MAGI2: variants seen among roughly 807,000 people sequenced by gnomAD.
MAGI2 encodes membrane-associated guanylate kinase, WW and PDZ domain-containing protein 2.
A neutral mutation model predicts 133.3 loss-of-function variants in MAGI2; 35 were observed. That is an observed-to-expected ratio of 0.26 (90% CI 0.20 to 0.35). The LOEUF is 0.35. MAGI2 is among the 10% of genes least tolerant of loss of function. The probability of loss-of-function intolerance (pLI) is 1.00; values close to 1 mark genes in which losing one functional copy is unlikely to be tolerated. For synonymous variants in MAGI2, 729 were observed against 710.6 expected (o/e 1.03, Z -0.41); for missense variants, 1,636 against 1,863.4 (o/e 0.88, Z 2.25).
At chr7:78,833,499 G>C (rs1791368323) in intron 2 of MAGI2, among the ~76,000 whole-genome samples, 1 of 152,126 alleles carries the variant, frequency 6.6e-6, no homozygotes, top group Non-Finnish European at 1.5e-5. Context: ...CAAAGAAAGA[G>C]CCCCGCTGTA....
chr7:78,783,617 A>G (rs1438067501), intron 2 of MAGI2, among the ~76,000 whole-genome samples: 2 of 152,144 alleles, frequency 1.3e-5, no homozygotes, highest in African/African-American at 4.8e-5. Flanking sequence ...GATTTTCTCC[A>G]TTGGAAATCA....
At chr7:78,448,547 A>G (rs560699839) in intron 6 of MAGI2, among the ~76,000 whole-genome samples, 1 of 151,550 alleles carries the variant, frequency 6.6e-6, no homozygotes, top group African/African-American at 2.4e-5. Context: ...TCCCATGGCC[A>G]ACACTTCTAT....
chr7:79,404,363 T>A (rs1845666915), intron 1 of MAGI2, among the ~76,000 whole-genome samples: 2 of 152,060 alleles, frequency 1.3e-5, no homozygotes, highest in Admixed American at 1.3e-4. Context: ...AGAGACAAGA[T>A]CTCACTCTGT....
intron 10 of MAGI2, among the ~76,000 whole-genome samples, chr7:78,227,421 GA>G (rs1789501290): frequency 6.6e-6 from 1 of 152,154 alleles, no homozygotes; most frequent in Admixed American, 6.5e-5. Flanking sequence ...GCTCATCAAA[GA>G]ACTTCTCTAA....
At chr7:79,353,354 T>C (rs1406166) in intron 1 of MAGI2, 66,522 of 426,458 alleles carry the variant, frequency 0.16, 5,715 homozygotes, top group South Asian at 0.24. Context: ...TTCTCTTCAG[T>C]CATGGAGGAA....
intron 1 of MAGI2, among the ~76,000 whole-genome samples, chr7:79,448,744 G>T (rs1044498777): frequency 1.3e-5 from 2 of 152,090 alleles, no homozygotes; most frequent in Non-Finnish European, 2.9e-5. Context: ...ATGTGAATAT[G>T]CTTTTCTCAT....
intron 1 of MAGI2, among the ~76,000 whole-genome samples, chr7:79,112,987 A>C (rs1819057768): frequency 6.6e-6 from 1 of 152,372 alleles, no homozygotes; most frequent in Non-Finnish European, 1.5e-5. Flanking sequence ...GAGAATTAAA[A>C]AAATAATTTT....
chr7:78,032,761 G>A (rs1584891814), intron 21 of MAGI2, among the ~76,000 whole-genome samples: 1 of 152,304 alleles, frequency 6.6e-6, no homozygotes, highest in East Asian at 1.9e-4. Flanking sequence ...CAGGGAAGGT[G>A]ATATTAAGCA....
chr7:78,039,252 C>A (rs778174799), intron 21 of MAGI2, among the ~76,000 whole-genome samples: 10 of 152,294 alleles, frequency 6.6e-5, no homozygotes, highest in Non-Finnish European at 1.5e-4. Context: ...TCTCAATTCT[C>A]TAAATTGTAG....
chr7:78,137,097 G>A (rs747516019), intron 16 of MAGI2, among the ~76,000 whole-genome samples: 1 of 152,092 alleles, frequency 6.6e-6, no homozygotes, highest in Non-Finnish European at 1.5e-5. Flanking sequence ...TTAATTTACT[G>A]ACTTTAAAAA....
At chr7:78,167,438 G>A (rs1024831276) in intron 15 of MAGI2, among the ~76,000 whole-genome samples, 9 of 152,114 alleles carry the variant, frequency 5.9e-5, no homozygotes, top group South Asian at 2.1e-4. Flanking sequence ...TTCTTGGAGC[G>A]AGGTACAGCT....
chr7:78,151,869 C>T (rs1028801175), intron 16 of MAGI2, among the ~76,000 whole-genome samples: 1 of 152,080 alleles, frequency 6.6e-6, no homozygotes, highest in Non-Finnish European at 1.5e-5. Context: ...GAGCACCAGT[C>T]ACAGTCTTCC....
intron 16 of MAGI2, among the ~76,000 whole-genome samples, chr7:78,155,008 T>C (rs761944912): frequency 1.3e-5 from 2 of 152,212 alleles, no homozygotes; most frequent in Non-Finnish European, 2.9e-5. Context: ...AGTTAGTCAA[T>C]GGCAGAAAAT....
intron 1 of MAGI2, among the ~76,000 whole-genome samples, chr7:79,375,289 T>A (rs1843308476): frequency 6.6e-6 from 1 of 151,952 alleles, no homozygotes; most frequent in Non-Finnish European, 1.5e-5. Context: ...GGTCTCTAGA[T>A]TGTGCATTCA....
At chr7:78,067,601 C>T (rs777425370) in intron 21 of MAGI2, among the ~76,000 whole-genome samples, 2 of 152,200 alleles carry the variant, frequency 1.3e-5, no homozygotes, top group Admixed American at 1.3e-4. Flanking sequence ...GCTATTTAGT[C>T]TGGGCTAAGT....
chr7:78,820,727 A>G (rs1384381199), intron 2 of MAGI2, among the ~76,000 whole-genome samples: 5 of 151,992 alleles, frequency 3.3e-5, no homozygotes, highest in Admixed American at 6.5e-5. Flanking sequence ...TTCTGTTTTC[A>G]ATGATGAATA....
At chr7:79,012,902 C>A (rs1808314172) in intron 1 of MAGI2, among the ~76,000 whole-genome samples, 1 of 152,136 alleles carries the variant, frequency 6.6e-6, no homozygotes, top group Non-Finnish European at 1.5e-5. Context: ...CTCATTATAT[C>A]CACACATGGC....
At chr7:79,436,472 C>T (rs532016518) in intron 1 of MAGI2, among the ~76,000 whole-genome samples, 141 of 152,208 alleles carry the variant, frequency 9.3e-4, no homozygotes, top group Admixed American at 3.1e-3. Flanking sequence ...GGACTAATAT[C>T]CAGAACCTAT....
intron 2 of MAGI2, among the ~76,000 whole-genome samples, chr7:78,876,564 C>T (rs1795444236): frequency 6.6e-6 from 1 of 151,712 alleles, no homozygotes; most frequent in African/African-American, 2.4e-5. Context: ...TATATTGTAA[C>T]CACCAAAAGG....
Sources: gnomAD v4.1 joint callset for allele counts (sites outside exome capture counted in the v4.1 genomes callset) on GRCh38, gnomAD v4.1.1 for gene constraint, MANE v1.5 for transcripts, NCBI Gene and HGNC (gene_info 2026-07-23, HGNC 2026-07-21) for gene names.